The following ZMYND11 variants were observed in gnomAD, a reference collection of about 807,000 sequenced individuals.
ZMYND11 encodes the protein zinc finger MYND domain-containing protein 11.
ZMYND11 carries 9 observed loss-of-function variants against 84.9 expected under a neutral mutation model. That is an observed-to-expected ratio of 0.11 (90% CI 0.06 to 0.18). The LOEUF (loss-of-function observed/expected upper bound fraction) is 0.18, where lower values mean the gene tolerates loss of function less well. Among genes scored for constraint, ZMYND11 ranks in the 10% least tolerant of loss-of-function variants. ZMYND11 has a pLI of 1.00. For synonymous variants in ZMYND11, 250 were observed against 244.1 expected, an observed-to-expected ratio of 1.02 and a Z score of -0.23; for missense variants, 409 against 761.0, an observed-to-expected ratio of 0.54 and a Z score of 5.44.
At chr10:223,602 G>T (rs1947543670) in intron 4 of ZMYND11, among the ~76,000 whole-genome samples, 1 of 152,134 alleles carries the variant, frequency 6.6e-6, no homozygotes, top group Non-Finnish European at 1.5e-5. Context: ...TTTCTAGGGT[G>T]AGGATGGAGA....
At chr10:237,713 A>G (rs765020696) in intron 6 of ZMYND11, 36 bp downstream of exon 6, 2 of 1,515,752 alleles carry the variant, frequency 1.3e-6, no homozygotes, top group Admixed American at 1.9e-5. Flanking sequence ...CTTCAAGTAC[A>G]TTTTCTTAAC....
At chr10:244,005 A>AT (rs1442479251) in intron 10 of ZMYND11, among the ~76,000 whole-genome samples, 2 of 152,190 alleles carry the variant, frequency 1.3e-5, no homozygotes, top group Admixed American at 6.5e-5. Context: ...GGAAGATTTT[A>AT]TGTAAATAGT....
intron 4 of ZMYND11, among the ~76,000 whole-genome samples, chr10:230,010 A>G (rs976068351): frequency 1.3e-5 from 2 of 152,214 alleles, no homozygotes; most frequent in African/African-American, 4.8e-5. Context: ...AGAGAATTTT[A>G]TCTAAGAGAA....
intron 1 of ZMYND11, among the ~76,000 whole-genome samples, chr10:160,351 A>G (rs950491060): frequency 2.6e-5 from 4 of 152,232 alleles, no homozygotes; most frequent in African/African-American, 7.2e-5. Context: ...AATGTTAACA[A>G]TCATCTGAGC....
intron 6 of ZMYND11, among the ~76,000 whole-genome samples, chr10:238,411 C>T (rs1357748395): frequency 6.6e-6 from 1 of 151,854 alleles, no homozygotes; most frequent in African/African-American, 2.4e-5. Context: ...GGCTGGAGTG[C>T]AGTGGTGTGA....
chr10:150,023 A>C (rs1554756528), intron 1 of ZMYND11, among the ~76,000 whole-genome samples: 1 of 152,176 alleles, frequency 6.6e-6, no homozygotes, highest in African/African-American at 2.4e-5. Flanking sequence ...CCAGTATTTT[A>C]TTGAGGATTT....
intron 1 of ZMYND11, among the ~76,000 whole-genome samples, chr10:150,269 A>G (rs1840003988): frequency 6.6e-6 from 1 of 151,978 alleles, no homozygotes; most frequent in Non-Finnish European, 1.5e-5. Flanking sequence ...GTAAGCTATT[A>G]ATTATTGCCT....
At chr10:190,330 C>T (rs778112269) in intron 2 of ZMYND11, among the ~76,000 whole-genome samples, 1 of 152,094 alleles carries the variant, frequency 6.6e-6, no homozygotes, top group African/African-American at 2.4e-5. Context: ...TCCTGCTGCC[C>T]GTGAAGTCCA....
intron 2 of ZMYND11, among the ~76,000 whole-genome samples, chr10:208,834 C>T (rs1245553713): frequency 6.6e-6 from 1 of 152,092 alleles, no homozygotes; most frequent in East Asian, 1.9e-4. Flanking sequence ...CCCTTATTTC[C>T]TTGAGGACTT....
chr10:221,809 AGTTT>A (rs901731354), intron 4 of ZMYND11, among the ~76,000 whole-genome samples: 8 of 151,926 alleles, frequency 5.3e-5, no homozygotes, highest in African/African-American at 1.9e-4. Flanking sequence ...TCATATCATG[AGTTT>A]GTTTTTTTTT....
chr10:179,497 T>C (rs1366536974), intron 1 of ZMYND11, among the ~76,000 whole-genome samples: 1 of 152,242 alleles, frequency 6.6e-6, no homozygotes, highest in African/African-American at 2.4e-5. Context: ...AACTTTCTTA[T>C]ATTTAATGTT....
Position 160,618 on chromosome 10 carries a change from A to C in ZMYND11, c.-19-19376A>C, listed in dbSNP as rs1343042683. Among the ~76,000 whole-genome samples, 20 of 152,222 alleles carry C rather than the reference A, an allele frequency of 1.3e-4. 1 individual carries two copies. Among genetic ancestry groups the C allele is most frequent in the African/African-American group, 3.6e-4 (15 of 41,538 alleles). On this transcript the variant is annotated intron_variant, in intron 1 of 14. Coordinates refer to ENST00000381604, the MANE Select transcript of ZMYND11 (RefSeq NM_001370100.5). ...ATTGGAGTCACTCGTCTCCAACCCT[A>C]CTGCTGCTTTATCAACTAAGTTTAT...
In ZMYND11 at chr10:221,345, C is replaced by G; in HGVS notation, c.427C>G (p.Pro143Ala). The change falls in exon 4 of 15, where the codon CCA becomes GCA. Residue 143 changes from proline (P) to alanine (A), a missense_variant. Physicochemically the swap from Pro to Ala is conservative, Grantham distance 27. Around this residue, in one of 7 missense-constraint regions of ZMYND11, gnomAD observed 73 missense variants for 185.8 expected, o/e 0.39. Transcript: ENST00000381604. ...LRDSSSPWQCPVCRSIKKKNT... is the reference protein window; with the variant it reads ...LRDSSSPWQCAVCRSIKKKNT... The stretch of plus-strand genomic sequence containing the variant: ...AGACAGCAGTAGTCCCTGGCAGTGC[C>G]CAGTTTGCAGGGTGAGTACCTATGA... The G allele has an allele frequency of 6.2e-7, 1 of 1,613,300 alleles. No individual in the cohort carries two copies. Among genetic ancestry groups the G allele is most frequent in the Non-Finnish European group, 8.5e-7 (1 of 1,179,580 alleles).
chr10:249,902 C>T (rs1348883127), intron 14 of ZMYND11: 7 of 442,648 alleles, frequency 1.6e-5, no homozygotes, highest in South Asian at 9.6e-5. Flanking sequence ...ATGGAAACTT[C>T]GAATAGATGA....
intron 1 of ZMYND11, among the ~76,000 whole-genome samples, chr10:145,226 GTATA>G (rs79123006): frequency 6.7e-6 from 1 of 149,984 alleles, no homozygotes; most frequent in Non-Finnish European, 1.5e-5. Context: ...ATATATGTGT[GTATA>G]TATATGTGTG....
chr10:165,471 A>G (rs992228262), intron 1 of ZMYND11, among the ~76,000 whole-genome samples: 1 of 152,048 alleles, frequency 6.6e-6, no homozygotes, highest in Non-Finnish European at 1.5e-5. Context: ...CCACATACCT[A>G]CTTAACATCT....
Position 253,108 on chromosome 10 carries a change from A to C in ZMYND11, c.*638A>C, listed in dbSNP as rs181818045. 3.3e-5 allele frequency: 5 copies of C among 152,744 alleles called. No homozygotes were observed. The highest frequency in any genetic ancestry group is 1.2e-4 in the African/African-American group (5 of 41,584). 9.5% of individuals were successfully genotyped at this position (152,744 alleles called of 1,614,324 possible). A position where few individuals can be genotyped will look rare whatever the true frequency, so the allele number is the denominator to read the frequency against. On this transcript the variant is annotated 3_prime_UTR_variant, in exon 15 of 15. Coordinates refer to ENST00000381604, the MANE Select transcript of ZMYND11 (RefSeq NM_001370100.5). ...CTTTTATAACAAATTATTAGCTTTG[A>C]TCTTGTAGTTTAAAATTGCAGGGAA...
At chr10:240,772 TTAAGAAACAAAATTCAACAC>T in intron 8 of ZMYND11, 101 bp from the exon 9 acceptor site, 1 of 783,408 alleles carries the variant, frequency 1.3e-6, no homozygotes, top group Non-Finnish European at 2.0e-6. Context: ...GCTTAAAAGA[TTAAGAAACAAAATTCAACAC>T]TATTTATATA....
chr10:221,462 C>A, intron 4 of ZMYND11, 106 bp downstream of exon 4: 1 of 1,143,238 alleles, frequency 8.7e-7, no homozygotes, highest in Non-Finnish European at 1.2e-6. Context: ...GGATAAAGGA[C>A]TGGAGGGTGG....
Sources: allele counts gnomAD v4.1 joint callset (sites outside exome capture counted in the v4.1 genomes callset), GRCh38; gene constraint gnomAD v4.1.1; regional missense constraint gnomAD v4.1.1; transcripts MANE v1.5; gene names NCBI Gene and HGNC (gene_info 2026-07-23, HGNC 2026-07-21).